The following RSU1 variants were observed in gnomAD, a reference collection of about 807,000 sequenced individuals.
RSU1 encodes Ras suppressor protein 1.
In RSU1, 26 loss-of-function variants were observed where a neutral mutation model predicts 31.1. The ratio of observed to expected loss-of-function variants is 0.84; its 90% CI spans 0.61 to 1.16. RSU1 has a LOEUF of 1.16. RSU1 is among the 50% of genes most tolerant of loss of function. The probability of loss-of-function intolerance (pLI) is 0.00; values close to 1 mark genes in which losing one functional copy is unlikely to be tolerated. For synonymous variants in RSU1, 164 were observed against 136.3 expected, an observed-to-expected ratio of 1.20 and a Z score of -1.41; for missense variants, 320 against 339.1, an observed-to-expected ratio of 0.94 and a Z score of 0.44.
At chr10:16,696,200 A>T (rs1835671997) in intron 7 of RSU1, among the ~76,000 whole-genome samples, 1 of 152,188 alleles carries the variant, frequency 6.6e-6, no homozygotes, top group African/African-American at 2.4e-5. Context: ...TTGAACCTAG[A>T]GACACAGCAA....
At chr10:16,679,913 A>C (rs1357862197) in intron 8 of RSU1, among the ~76,000 whole-genome samples, 1 of 131,910 alleles carries the variant, frequency 7.6e-6, no homozygotes, top group Non-Finnish European at 1.5e-5. Context: ...ACAGAGTCTC[A>C]CTCTGTTGCC....
At chr10:16,629,974 A>T (rs895801794) in intron 8 of RSU1, among the ~76,000 whole-genome samples, 3 of 152,172 alleles carry the variant, frequency 2.0e-5, no homozygotes, top group African/African-American at 7.2e-5. Context: ...AAATTACTTA[A>T]CTCTCTTTGA....
chr10:16,722,152 GATT>G (rs1026611326), intron 7 of RSU1, among the ~76,000 whole-genome samples: 1 of 152,042 alleles, frequency 6.6e-6, no homozygotes, highest in African/African-American at 2.4e-5. Context: ...TGATCTATTT[GATT>G]ATTATTGTTA....
intron 8 of RSU1, among the ~76,000 whole-genome samples, chr10:16,687,479 A>G (rs75888403): frequency 0.02 from 2,988 of 152,314 alleles, 90 homozygotes; most frequent in African/African-American, 0.068. Context: ...TTACCTGTGA[A>G]GTATATATGA....
chr10:16,723,081 T>TAC lies in RSU1; in HGVS notation c.599-27928_599-27927dup, dbSNP rs781473602. ...ATATATATCATGTGATATATATATA[T>TAC]ACACACATATATCATACGATTTGCT... On this transcript the variant is annotated intron_variant, in intron 7 of 8. Transcript: ENST00000345264. 20 of 151,804 alleles carry TAC rather than the reference T, an allele frequency of 1.3e-4. No homozygotes were observed. In the East Asian group the frequency reaches 3.3e-3, roughly 25 times the overall value. 9.4% of individuals were successfully genotyped at this position (151,804 alleles called of 1,614,324 possible). A position where few individuals can be genotyped will look rare whatever the true frequency, so the allele number is the denominator to read the frequency against.
chr10:16,771,083 G>C (rs747910914), intron 3 of RSU1, among the ~76,000 whole-genome samples: 1 of 152,164 alleles, frequency 6.6e-6, no homozygotes, highest in East Asian at 1.9e-4. Context: ...AAGGACAGAG[G>C]ATGGCAGAGG....
chr10:16,597,741 C>A (rs1833643840), intron 8 of RSU1, among the ~76,000 whole-genome samples: 1 of 152,178 alleles, frequency 6.6e-6, no homozygotes, highest in Admixed American at 6.5e-5. Context: ...TATTTTCTAT[C>A]AACACTAAAT....
At chr10:16,721,700 G>T (rs1346242754) in intron 7 of RSU1, 1 of 152,172 alleles carries the variant, frequency 6.6e-6, no homozygotes, top group Non-Finnish European at 1.5e-5. Flanking sequence ...GACAGACGTG[G>T]GTGGCAAATC....
chr10:16,679,638 C>T (rs1835291440), intron 8 of RSU1, among the ~76,000 whole-genome samples: 3 of 152,126 alleles, frequency 2.0e-5, no homozygotes, highest in Non-Finnish European at 2.9e-5. Flanking sequence ...AGGCAGCACA[C>T]GTGGACGTGA....
intron 8 of RSU1, among the ~76,000 whole-genome samples, chr10:16,616,586 C>A (rs1362297601): frequency 1.3e-5 from 2 of 152,096 alleles, no homozygotes; most frequent in Non-Finnish European, 2.9e-5. Context: ...GGCCAATATT[C>A]CTGATGAAGA....
chr10:16,814,836 G>GCTAT (rs3837310), intron 2 of RSU1, among the ~76,000 whole-genome samples: 92,058 of 151,850 alleles, frequency 0.61, 29,706 homozygotes, highest in African/African-American at 0.83. Context: ...GAAGCAAGTG[G>GCTAT]CTTTTCTTCC....
At position 16,674,292 on chromosome 10, in the gene RSU1, A is replaced by G. The variant is rs190915316; in HGVS notation, c.731+20731T>C. ...AAGGCTGCAGCCTTGGAAACATCAGAGCAACATTTATGGTGATGGAAGTGG... is the reference window on the plus strand; with the variant it reads ...AAGGCTGCAGCCTTGGAAACATCAGGGCAACATTTATGGTGATGGAAGTGG... On this transcript the variant is annotated intron_variant, in intron 8 of 8. Coordinates refer to ENST00000345264, the MANE Select transcript of RSU1 (RefSeq NM_012425.4). Among the ~76,000 whole-genome samples the G allele has an allele frequency of 6.8e-4, 103 of 152,174 alleles. 1 individual carries two copies. The highest frequency in any genetic ancestry group is 2.4e-3 in the African/African-American group (101 of 41,492).
In RSU1 at chr10:16,683,257, T is replaced by C. The variant is rs138543264; in HGVS notation, c.731+11766A>G. ...GGCTCATAAACAGAACGTGTCTCCC[T>C]GTGAAGGTGTAGAGGCTACAGATGA... On this transcript the variant is annotated intron_variant, in intron 8 of 8. Transcript: ENST00000345264. 2.3e-3 allele frequency among the ~76,000 whole-genome samples: 343 copies of C among 151,638 alleles called. 3 individuals carry two copies. The highest frequency in any genetic ancestry group is 7.6e-3 in the African/African-American group (313 of 41,320).
intron 8 of RSU1, among the ~76,000 whole-genome samples, chr10:16,672,426 C>A (rs1189182734): frequency 6.6e-6 from 1 of 152,186 alleles, no homozygotes; most frequent in East Asian, 1.9e-4. Flanking sequence ...AAGCTCACAG[C>A]AGCTTTATTT....
At chr10:16,735,546 C>T (rs904888183) in intron 7 of RSU1, among the ~76,000 whole-genome samples, 4 of 152,124 alleles carry the variant, frequency 2.6e-5, no homozygotes, top group African/African-American at 9.7e-5. Flanking sequence ...ATGTATTAGT[C>T]CATTCTCACA....
chr10:16,762,294 T>TTATA (rs57480136), intron 4 of RSU1, among the ~76,000 whole-genome samples: 18,658 of 149,622 alleles, frequency 0.12, 1,441 homozygotes, highest in Middle Eastern at 0.21. Context: ...GATTGAGATT[T>TTATA]TATATATATA....
intron 7 of RSU1, among the ~76,000 whole-genome samples, chr10:16,750,455 G>C (rs185626608): frequency 9.3e-4 from 141 of 152,214 alleles, no homozygotes; most frequent in African/African-American, 3.3e-3. Context: ...CAGAAATGTT[G>C]AACAAATATG....
intron 8 of RSU1, among the ~76,000 whole-genome samples, chr10:16,641,327 C>A (rs1338411870): frequency 6.6e-6 from 1 of 151,942 alleles, no homozygotes; most frequent in East Asian, 1.9e-4. Context: ...CCCATCTCTA[C>A]TAAAAATACA....
At chr10:16,698,400 G>A (rs977087476) in intron 7 of RSU1, among the ~76,000 whole-genome samples, 1 of 152,114 alleles carries the variant, frequency 6.6e-6, no homozygotes, top group Non-Finnish European at 1.5e-5. Context: ...ACTACTGACG[G>A]CCTGCAAAAC....
Sources: allele counts gnomAD v4.1 joint callset (sites outside exome capture counted in the v4.1 genomes callset), GRCh38; gene constraint gnomAD v4.1.1; transcripts MANE v1.5; gene names NCBI Gene and HGNC (gene_info 2026-07-23, HGNC 2026-07-21).